ASTN2: variants seen among roughly 807,000 people sequenced by gnomAD.
The protein encoded by ASTN2 is astrotactin-2.
In ASTN2, 54 loss-of-function variants were observed where a neutral mutation model predicts 139.8. The observed-to-expected ratio is 0.39, with a 90% confidence interval of 0.31 to 0.48. ASTN2 has a LOEUF of 0.48. Among genes scored for constraint, ASTN2 ranks in the 20% least tolerant of loss-of-function variants. ASTN2 has a pLI of 0.95. For synonymous variants in ASTN2, 756 were observed against 719.5 expected (o/e 1.05, Z -0.81); for missense variants, 1,565 against 1,725.1 (o/e 0.91, Z 1.64).
chr9:116,699,192 G>A lies in ASTN2; in HGVS notation c.2806+26579C>T, dbSNP rs1861047703. 6.2e-7 allele frequency: 1 copy of A among 1,614,242 alleles called. No individual in the cohort carries two copies. The highest frequency in any genetic ancestry group is 8.5e-7 in the Non-Finnish European group (1 of 1,180,052). Reference sequence around the variant, plus strand: ...CACAGCCTTGCCATCTGGCCAGTTTGTAGTAACCGATGTGGAAGGTGGAAA... The same window carrying A: ...CACAGCCTTGCCATCTGGCCAGTTTATAGTAACCGATGTGGAAGGTGGAAA... On this transcript the variant is annotated intron_variant, in intron 16 of 22. Coordinates refer to ENST00000313400, the MANE Select transcript of ASTN2 (RefSeq NM_001365068.1). The surrounding 1 kb of genome is among the most constrained non-coding windows in gnomAD (Gnocchi z 4.2).
intron 19 of ASTN2, among the ~76,000 whole-genome samples, chr9:116,604,041 T>C (rs1297825610): frequency 6.6e-6 from 1 of 152,178 alleles, no homozygotes; most frequent in East Asian, 1.9e-4. Context: ...CTACAGCATC[T>C]GAGTTACCTC....
intron 13 of ASTN2, among the ~76,000 whole-genome samples, chr9:116,736,087 G>C (rs755687962): frequency 1.2e-4 from 19 of 152,194 alleles, no homozygotes; most frequent in Non-Finnish European, 2.4e-4. Flanking sequence ...AAAGCCACAA[G>C]GCTGGGAAGT....
At chr9:116,465,804 GA>G (rs1224338677) in intron 20 of ASTN2, among the ~76,000 whole-genome samples, 4 of 152,280 alleles carry the variant, frequency 2.6e-5, no homozygotes, top group East Asian at 1.9e-4. Flanking sequence ...GGCGAGATGG[GA>G]GGGGCAGAAT....
chr9:117,080,774 C>G (rs1032516548), intron 5 of ASTN2, among the ~76,000 whole-genome samples: 1 of 152,264 alleles, frequency 6.6e-6, no homozygotes, highest in Non-Finnish European at 1.5e-5. Flanking sequence ...TTGACTTCTT[C>G]CACAGACAGA....
At chr9:116,736,059 G>T (rs1422638926) in intron 13 of ASTN2, among the ~76,000 whole-genome samples, 1 of 152,174 alleles carries the variant, frequency 6.6e-6, no homozygotes, top group Non-Finnish European at 1.5e-5. Flanking sequence ...GAAGCACAAA[G>T]AAGTTATGTA....
At chr9:116,940,488 A>G (rs1240772361) in intron 10 of ASTN2, among the ~76,000 whole-genome samples, 1 of 152,198 alleles carries the variant, frequency 6.6e-6, no homozygotes, top group Non-Finnish European at 1.5e-5. Flanking sequence ...GATTCTGTGT[A>G]GTCCTAAGCT....
At chr9:116,774,915 T>A (rs1452822732) in intron 13 of ASTN2, among the ~76,000 whole-genome samples, 1 of 152,182 alleles carries the variant, frequency 6.6e-6, no homozygotes, top group Admixed American at 6.5e-5. Context: ...TGCTCATGCA[T>A]AATGCATGGG....
chr9:117,103,625 T>TC (rs1365519148), intron 4 of ASTN2, among the ~76,000 whole-genome samples: 2 of 152,130 alleles, frequency 1.3e-5, no homozygotes, highest in Non-Finnish European at 2.9e-5. Flanking sequence ...CCCTCCACAC[T>TC]CCATCTCCTG....
chr9:117,402,411 A>G (rs748491531), intron 1 of ASTN2, among the ~76,000 whole-genome samples: 1 of 152,208 alleles, frequency 6.6e-6, no homozygotes, highest in Non-Finnish European at 1.5e-5. Flanking sequence ...GCTGACTGAA[A>G]GGATGAGAGG....
chr9:116,603,943 G>T (rs1564146700), intron 19 of ASTN2, among the ~76,000 whole-genome samples: 1 of 152,102 alleles, frequency 6.6e-6, no homozygotes, highest in Non-Finnish European at 1.5e-5. Context: ...TTAATTAGTG[G>T]AACCAGACTC....
intron 19 of ASTN2, among the ~76,000 whole-genome samples, chr9:116,579,634 G>A (rs931192793): frequency 1.3e-5 from 2 of 152,130 alleles, no homozygotes; most frequent in Non-Finnish European, 2.9e-5. Flanking sequence ...TAGACCCAGC[G>A]GCTTGAGAGG....
At chr9:116,922,726 G>C (rs1834647911) in intron 10 of ASTN2, among the ~76,000 whole-genome samples, 2 of 152,082 alleles carry the variant, frequency 1.3e-5, no homozygotes, top group Non-Finnish European at 1.5e-5. Flanking sequence ...GAAAAAGCAA[G>C]TTTCACAAAA....
chr9:117,365,589 A>C (rs1482338001), intron 1 of ASTN2, among the ~76,000 whole-genome samples: 2 of 152,182 alleles, frequency 1.3e-5, no homozygotes, highest in African/African-American at 4.8e-5. Flanking sequence ...CTGGTCCATG[A>C]GTGGCATTCA....
Position 117,414,440 on chromosome 9 carries a change from A to G in ASTN2, c.442+57T>C. 5 of 1,596,070 alleles carry G rather than the reference A, an allele frequency of 3.1e-6. No individual in the cohort carries two copies. The highest frequency in any genetic ancestry group is 4.3e-6 in the Non-Finnish European group (5 of 1,171,472). The stretch of plus-strand genomic sequence containing the variant: ...CCCAGGGCGCCCCCACCCGTCCGGC[A>G]TGACGCAGGGGCTCGGGGTTCCTTG... On this transcript the variant is annotated intron_variant, in intron 1 of 22. Coordinates refer to ENST00000313400, the MANE Select transcript of ASTN2 (RefSeq NM_001365068.1). The surrounding 1 kb of genome is among the most constrained non-coding windows in gnomAD (Gnocchi z 4.2).
chr9:117,123,433 C>T (rs890397025), intron 4 of ASTN2, among the ~76,000 whole-genome samples: 5 of 151,936 alleles, frequency 3.3e-5, no homozygotes, highest in African/African-American at 4.8e-5. Context: ...TGGGTCTTGC[C>T]TCGTGAGCCA....
chr9:116,827,313 CAA>C (rs141242698), intron 11 of ASTN2, among the ~76,000 whole-genome samples: 57,388 of 81,938 alleles, frequency 0.7, 18,471 homozygotes, highest in Middle Eastern at 0.87. Flanking sequence ...CCATCCCCCC[CAA>C]AAAAAAAAAA....
chr9:117,077,519 G>A (rs374050003), intron 5 of ASTN2, among the ~76,000 whole-genome samples: 6 of 152,076 alleles, frequency 3.9e-5, no homozygotes, highest in Non-Finnish European at 8.8e-5. Context: ...AGGCTGAGGC[G>A]GGTAAATCAC....
chr9:116,817,004 A>T (rs1831348040), intron 12 of ASTN2, among the ~76,000 whole-genome samples: 1 of 152,062 alleles, frequency 6.6e-6, no homozygotes, highest in South Asian at 2.1e-4. Flanking sequence ...ATTTGAAAGG[A>T]TGAATATTGG....
At chr9:117,131,711 G>T (rs1829832370) in intron 4 of ASTN2, among the ~76,000 whole-genome samples, 1 of 152,156 alleles carries the variant, frequency 6.6e-6, no homozygotes, top group African/African-American at 2.4e-5. Context: ...TTTAGATAAT[G>T]TTTAACTCAA....
Sources: gnomAD v4.1 joint callset for allele counts (sites outside exome capture counted in the v4.1 genomes callset) on GRCh38, gnomAD v4.1.1 for gene constraint, Gnocchi (gnomAD v3.1) non-coding constraint, MANE v1.5 for transcripts, NCBI Gene and HGNC (gene_info 2026-07-23, HGNC 2026-07-21) for gene names.